CHD6: variants seen among roughly 807,000 people sequenced by gnomAD.
CHD6 encodes ATP-dependent chromatin remodeler CHD6.
CHD6 carries 50 observed loss-of-function variants against 276.9 expected under a neutral mutation model. The ratio of observed to expected loss-of-function variants is 0.18; its 90% CI spans 0.14 to 0.23. CHD6 has a LOEUF of 0.23. Ranked by LOEUF, CHD6 falls within the 10% of genes least tolerant of loss-of-function variation. The probability of loss-of-function intolerance (pLI) is 1.00; values close to 1 mark genes in which losing one functional copy is unlikely to be tolerated. For missense variants in CHD6, 2,564 were observed against 3,365.8 expected, an observed-to-expected ratio of 0.76 and a Z score of 5.89; for synonymous variants, 1,173 against 1,229.3, an observed-to-expected ratio of 0.95 and a Z score of 0.96.
At chr20:41,419,025 C>T (rs763662994) in intron 31 of CHD6, among the ~76,000 whole-genome samples, 22 of 152,120 alleles carry the variant, frequency 1.4e-4, no homozygotes, top group Non-Finnish European at 2.4e-4. Context: ...TATTTTTACC[C>T]GCAACAGGGT....
At chr20:41,505,862 C>A (rs185366166) in intron 5 of CHD6, among the ~76,000 whole-genome samples, 1 of 152,010 alleles carries the variant, frequency 6.6e-6, no homozygotes, top group Non-Finnish European at 1.5e-5. Context: ...AGAGGTATTT[C>A]GAATTTAAAA....
At chr20:41,526,482 G>A (rs536913749) in intron 3 of CHD6, among the ~76,000 whole-genome samples, 9 of 152,344 alleles carry the variant, frequency 5.9e-5, no homozygotes, top group African/African-American at 1.9e-4. Context: ...AGGAAAGGTA[G>A]TTGAGTTCTA....
chr20:41,587,591 A>G (rs2045609290), intron 1 of CHD6, among the ~76,000 whole-genome samples: 1 of 152,228 alleles, frequency 6.6e-6, no homozygotes, highest in South Asian at 2.1e-4. Flanking sequence ...CAGAAAATTA[A>G]AAGCTTGCAA....
intron 3 of CHD6, among the ~76,000 whole-genome samples, chr20:41,523,614 T>C (rs2044456618): frequency 6.6e-6 from 1 of 152,126 alleles, no homozygotes; most frequent in Non-Finnish European, 1.5e-5. Flanking sequence ...TTACTTTCTG[T>C]AGTTTGTCCT....
intron 1 of CHD6, among the ~76,000 whole-genome samples, chr20:41,566,797 C>T (rs574630814): frequency 3.9e-5 from 6 of 152,252 alleles, no homozygotes; most frequent in South Asian, 4.1e-4. Flanking sequence ...TATGAGTGTA[C>T]GTGAACAATA....
At chr20:41,531,990 CTTAGA>C (rs370298590) in intron 3 of CHD6, among the ~76,000 whole-genome samples, 8 of 152,262 alleles carry the variant, frequency 5.3e-5, no homozygotes, top group African/African-American at 1.9e-4. Context: ...TTCCCTTGCA[CTTAGA>C]TTTTAGACAT....
chr20:41,583,988 C>A (rs1232102543), intron 1 of CHD6, among the ~76,000 whole-genome samples: 1 of 152,018 alleles, frequency 6.6e-6, no homozygotes, highest in Non-Finnish European at 1.5e-5. Flanking sequence ...TAGAAATCAA[C>A]TGGCAAGATA....
rs758489817 is a variant in CHD6, at chr20:41,415,218, A to G, written c.6907T>C (p.Leu2303=). Residue 2303 remains leucine, a synonymous_variant, in exon 34 of 37, where the codon TTG becomes CTG. Coordinates refer to ENST00000373233, the MANE Select transcript of CHD6 (RefSeq NM_032221.5). ...HVEGGMDLIF[L]KEQTLQAGIL... ...CCCGCCTGAAGTGTCTGCTCCTTCA[A>G]AAAGATGAGGTCCATCCCTCCTTCA... The G allele has an allele frequency of 1.1e-5, 17 of 1,613,916 alleles. No homozygotes were observed. Among genetic ancestry groups the G allele is most frequent in the Non-Finnish European group, 1.4e-5 (16 of 1,179,988 alleles).
In CHD6 at chr20:41,484,412, T is replaced by G. The variant is rs751914485; in HGVS notation, c.2197A>C (p.Asn733His). ...TKGANQHNMP[N>H]LINTMMELRK... ...AGCTCCATCATGGTGTTGATGAGAT[T>G]GGGCATGTTGTGCTGATTTGCCCCC... is the stretch of plus-strand genomic sequence containing the variant. Residue 733 changes from asparagine (N) to histidine (H), a missense_variant, in exon 15 of 37, where the codon AAT becomes CAT. Physicochemically the swap from Asn to His is moderately conservative, Grantham distance 68. Around this residue, in one of 7 missense-constraint regions of CHD6, gnomAD observed 457 missense variants for 889.0 expected, o/e 0.51. Coordinates refer to ENST00000373233, the MANE Select transcript of CHD6 (RefSeq NM_032221.5). 6.2e-7 allele frequency: 1 copy of G among 1,613,888 alleles called. No homozygotes were observed. Among genetic ancestry groups the G allele is most frequent in the Non-Finnish European group, 8.5e-7 (1 of 1,179,828 alleles).
At chr20:41,603,561 T>C (rs991060631) in intron 1 of CHD6, among the ~76,000 whole-genome samples, 10 of 151,936 alleles carry the variant, frequency 6.6e-5, no homozygotes, top group South Asian at 2.1e-4. Context: ...TTGAGAAACA[T>C]TGAATTTAAA....
chr20:41,576,657 G>A (rs930204190), intron 1 of CHD6, among the ~76,000 whole-genome samples: 1 of 152,192 alleles, frequency 6.6e-6, no homozygotes, highest in Non-Finnish European at 1.5e-5. Context: ...CTGGGCGACA[G>A]AGCAAGACTC....
intron 22 of CHD6, 152 bp downstream of exon 22, chr20:41,451,674 A>T: frequency 2.9e-6 from 2 of 691,702 alleles, no homozygotes; most frequent in Non-Finnish European, 5.0e-6. Flanking sequence ...CTGAGGCAGA[A>T]ACGAAAGCAA....
chr20:41,607,532 GA>G (rs1351939146), intron 1 of CHD6, among the ~76,000 whole-genome samples: 1 of 152,112 alleles, frequency 6.6e-6, no homozygotes, highest in Admixed American at 6.5e-5. Context: ...AATAATATAA[GA>G]AAAGACAAAG....
intron 3 of CHD6, among the ~76,000 whole-genome samples, chr20:41,518,507 T>C (rs926196703): frequency 6.6e-6 from 1 of 152,222 alleles, no homozygotes; most frequent in Non-Finnish European, 1.5e-5. Context: ...GAGGCGCTAC[T>C]AGATTTTCCC....
intron 1 of CHD6, among the ~76,000 whole-genome samples, chr20:41,563,582 T>C (rs936643828): frequency 6.6e-6 from 1 of 152,190 alleles, no homozygotes; most frequent in African/African-American, 2.4e-5. Context: ...CCAGTTCATC[T>C]TCCTTGGTCA....
In CHD6 at chr20:41,451,123, C is replaced by G; in HGVS notation, c.3524-18G>C. 1 of 1,610,796 alleles carries G rather than the reference C, an allele frequency of 6.2e-7. No homozygotes were observed. Among genetic ancestry groups the G allele is most frequent in the Non-Finnish European group, 8.5e-7 (1 of 1,177,936 alleles). The stretch of plus-strand genomic sequence containing the variant: ...AGATAAGCCTGAAACAGAAAGACAG[C>G]ATAGGGCAAGTGGATAGCCAAGGGG... On this transcript the variant is annotated intron_variant, in intron 22 of 36. Coordinates refer to ENST00000373233, the MANE Select transcript of CHD6 (RefSeq NM_032221.5).
chr20:41,590,846 C>T (rs1418434187), intron 1 of CHD6, among the ~76,000 whole-genome samples: 2 of 151,410 alleles, frequency 1.3e-5, no homozygotes, highest in African/African-American at 4.9e-5. Flanking sequence ...TTGACCCACC[C>T]ATCCCATTAC....
intron 30 of CHD6, among the ~76,000 whole-genome samples, chr20:41,423,228 A>G (rs1040882742): frequency 1.3e-5 from 2 of 152,228 alleles, no homozygotes; most frequent in Admixed American, 1.3e-4. Context: ...CTTTGGAGAA[A>G]GTGGTTGGCA....
Position 41,420,932 on chromosome 20 carries a change from T to C in CHD6, c.5703A>G (p.Ser1901=). The C allele has an allele frequency of 6.3e-7, 1 of 1,599,108 alleles. No individual in the cohort carries two copies. Among genetic ancestry groups the C allele is most frequent in the African/African-American group, 1.3e-5 (1 of 74,718 alleles). ...CTTGGAAGCCTTGGTTCTTTTCCCT[T>C]GAGATGTTAGTAGTGGGCTCCGTGA... ...LHLTEPTTNI[S]REKNQGFQDE... The change falls in exon 31 of 37, where the codon TCA becomes TCG. Residue 1901 remains serine, a synonymous_variant. Transcript: ENST00000373233.
Sources: allele counts gnomAD v4.1 joint callset (sites outside exome capture counted in the v4.1 genomes callset), GRCh38; gene constraint gnomAD v4.1.1; regional missense constraint gnomAD v4.1.1; transcripts MANE v1.5; gene names NCBI Gene and HGNC (gene_info 2026-07-23, HGNC 2026-07-21).